The following DLG2 variants were observed in gnomAD, a reference collection of about 807,000 sequenced individuals.
DLG2 encodes discs large MAGUK scaffold protein 2.
Under a neutral mutation model 132.5 loss-of-function variants are expected in DLG2, and 45 were observed. The observed-to-expected ratio is 0.34, with a 90% CI of 0.27 to 0.44. DLG2 has a LOEUF of 0.44. Among genes scored for constraint, DLG2 ranks in the 20% least tolerant of loss-of-function variants. DLG2 has a pLI of 1.00. For missense variants in DLG2, 1,045 were observed against 1,196.9 expected (o/e 0.87, Z 1.87); for synonymous variants, 424 against 419.6 (o/e 1.01, Z -0.13).
chr11:84,756,747 T>G (rs1158882343), intron 6 of DLG2, among the ~76,000 whole-genome samples: 1 of 152,206 alleles, frequency 6.6e-6, no homozygotes, highest in African/African-American at 2.4e-5. Flanking sequence ...GAGATTTTTT[T>G]GTGATTTTTT....
At chr11:84,889,375 C>G (rs2088916740) in intron 6 of DLG2, among the ~76,000 whole-genome samples, 1 of 152,030 alleles carries the variant, frequency 6.6e-6, no homozygotes, top group Non-Finnish European at 1.5e-5. Context: ...TAAACTGGGC[C>G]TTAACTGATT....
rs527653404 is a variant in DLG2 at position 85,378,596 on chromosome 11, AT to A, written c.41-93232del. On this transcript the variant is annotated intron_variant, in intron 3 of 27. Transcript: ENST00000376104. ...GATGTGTGTGTGCAAGAAGAAAAAA[AT>A]GAACTATCTTTTCAAAATCTAACTG... 9.8e-5 allele frequency among the ~76,000 whole-genome samples: 15 copies of A among 152,288 alleles called. No individual in the cohort carries two copies. The South Asian group carries it at 2.5e-3, about 25-fold the overall frequency.
chr11:85,412,760 C>CATATATATATATATATATAT (rs200280952), intron 3 of DLG2, among the ~76,000 whole-genome samples: 3 of 113,242 alleles, frequency 2.6e-5, no homozygotes, highest in South Asian at 3.1e-4. Context: ...CACACACACA[C>CATATATATATATATATATAT]ATATATATAT....
chr11:85,027,057 T>C (rs991322225), intron 6 of DLG2, among the ~76,000 whole-genome samples: 1 of 151,700 alleles, frequency 6.6e-6, no homozygotes, highest in African/African-American at 2.4e-5. Context: ...TTTGTCCACA[T>C]TATAAAATAA....
chr11:85,618,211 T>C (rs1331221069), intron 2 of DLG2, among the ~76,000 whole-genome samples: 3 of 152,148 alleles, frequency 2.0e-5, no homozygotes, highest in South Asian at 4.1e-4. Flanking sequence ...ACTTGTGTCT[T>C]GACTGCCATA....
chr11:83,948,476 A>G (rs1233365492), intron 14 of DLG2, among the ~76,000 whole-genome samples: 1 of 152,232 alleles, frequency 6.6e-6, no homozygotes, highest in Non-Finnish European at 1.5e-5. Flanking sequence ...TTTCTGGAAC[A>G]GGTTGTGTTT....
chr11:85,445,407 G>GAA (rs2091963258), intron 3 of DLG2, among the ~76,000 whole-genome samples: 3 of 152,304 alleles, frequency 2.0e-5, no homozygotes, highest in Non-Finnish European at 4.4e-5. Flanking sequence ...GCCGGGCGCG[G>GAA]TGGCTCATGC....
chr11:85,195,429 A>G (rs1247632254), intron 4 of DLG2, among the ~76,000 whole-genome samples: 1 of 152,148 alleles, frequency 6.6e-6, no homozygotes, highest in Non-Finnish European at 1.5e-5. Context: ...GAAGAAAATA[A>G]GTGAAAAGGA....
chr11:85,512,451 C>T (rs2094094789), intron 3 of DLG2, among the ~76,000 whole-genome samples: 1 of 152,000 alleles, frequency 6.6e-6, no homozygotes, highest in Non-Finnish European at 1.5e-5. Flanking sequence ...AATTAAGTGC[C>T]TTTGGATACT....
chr11:84,054,231 A>G (rs2096457788), intron 11 of DLG2, among the ~76,000 whole-genome samples: 1 of 152,138 alleles, frequency 6.6e-6, no homozygotes, highest in African/African-American at 2.4e-5. Context: ...CCATAGAAAC[A>G]AACAGTTCTG....
intron 4 of DLG2, among the ~76,000 whole-genome samples, chr11:85,244,484 A>G (rs1265658018): frequency 1.3e-5 from 2 of 151,990 alleles, no homozygotes; most frequent in East Asian, 1.9e-4. Context: ...AAAAAATTGT[A>G]TGTGTCACTG....
chr11:84,550,013 C>T (rs1212853359), intron 6 of DLG2, among the ~76,000 whole-genome samples: 1 of 152,018 alleles, frequency 6.6e-6, no homozygotes, highest in Admixed American at 6.6e-5. Context: ...GCTTCAAATT[C>T]CCAAAGTGCT....
At chr11:84,334,996 A>T (rs933540655) in intron 7 of DLG2, among the ~76,000 whole-genome samples, 1 of 152,134 alleles carries the variant, frequency 6.6e-6, no homozygotes. Context: ...ACAGGAAGAA[A>T]TACATTCCAA....
At chr11:84,789,329 CACTT>C (rs2073438887) in intron 6 of DLG2, among the ~76,000 whole-genome samples, 1 of 152,288 alleles carries the variant, frequency 6.6e-6, no homozygotes, top group African/African-American at 2.4e-5. Context: ...CCTTAAGACT[CACTT>C]ACTGTTTATC....
intron 14 of DLG2, among the ~76,000 whole-genome samples, chr11:83,959,954 G>C (rs1207217762): frequency 6.6e-6 from 1 of 151,992 alleles, no homozygotes; most frequent in African/African-American, 2.4e-5. Context: ...ATTACTCTAT[G>C]TATTGTTAAT....
intron 3 of DLG2, among the ~76,000 whole-genome samples, chr11:85,449,228 T>A (rs1168964960): frequency 6.6e-6 from 1 of 152,122 alleles, no homozygotes; most frequent in Non-Finnish European, 1.5e-5. Flanking sequence ...ATTCTGGAAA[T>A]TTTTCATCCA....
intron 3 of DLG2, among the ~76,000 whole-genome samples, chr11:85,332,248 T>C (rs2081810846): frequency 6.6e-6 from 1 of 152,188 alleles, no homozygotes; most frequent in African/African-American, 2.4e-5. Flanking sequence ...GTGTTTGTTG[T>C]CCATAAGTAT....
chr11:85,447,492 A>G (rs1247137628), intron 3 of DLG2, among the ~76,000 whole-genome samples: 2 of 152,214 alleles, frequency 1.3e-5, no homozygotes, highest in African/African-American at 4.8e-5. Context: ...ATATGACAAT[A>G]CAAGGGGAAG....
At chr11:84,642,117 AGTGTGTGTGTGT>A (rs139383928) in intron 6 of DLG2, among the ~76,000 whole-genome samples, 1 of 138,734 alleles carries the variant, frequency 7.2e-6, no homozygotes, top group African/African-American at 2.7e-5. Context: ...GTATATGTAG[AGTGTGTGTGTGT>A]GTGTGTGTGT....
Sources: gnomAD v4.1 joint callset for allele counts (sites outside exome capture counted in the v4.1 genomes callset) on GRCh38, gnomAD v4.1.1 for gene constraint, MANE v1.5 for transcripts, NCBI Gene and HGNC (gene_info 2026-07-23, HGNC 2026-07-21) for gene names.